The following ZW10 variants were observed in gnomAD, a reference collection of about 807,000 sequenced individuals.
The protein encoded by ZW10 is zw10 kinetochore protein, also known as centromere/kinetochore protein zw10 homolog.
In ZW10, 53 loss-of-function variants were observed where a neutral mutation model predicts 87.8. The observed-to-expected ratio is 0.60, with a 90% CI of 0.48 to 0.76. ZW10 has a LOEUF of 0.76. Ranked by LOEUF, ZW10 falls within the 30% of genes least tolerant of loss-of-function variation. The pLI, the probability that ZW10 is intolerant of heterozygous loss-of-function variation, is 0.00. For missense variants in ZW10, 837 were observed against 923.0 expected (o/e 0.91, Z 1.21); for synonymous variants, 312 against 329.2 (o/e 0.95, Z 0.57).
rs902052465 is a variant in ZW10, at chr11:113,758,579, T to C, written c.708A>G (p.Glu236=). Residue 236 remains glutamate, a synonymous_variant, in exon 6 of 16, where the codon GAA becomes GAG. Coordinates refer to ENST00000200135, the MANE Select transcript of ZW10 (RefSeq NM_004724.4). ...SVLLAFSVLG[E]LHSKLKSFGQ... ...CAAATGATTTAAGCTTGCTGTGTAGTTCTCCAAGAACAGAAAATGCCAAGA... is the reference window on the plus strand; with the variant it reads ...CAAATGATTTAAGCTTGCTGTGTAGCTCTCCAAGAACAGAAAATGCCAAGA... The C allele has an allele frequency of 6.8e-6, 11 of 1,613,032 alleles. No individual in the cohort carries two copies. The highest frequency in any genetic ancestry group is 7.6e-6 in the Non-Finnish European group (9 of 1,179,656).
intron 1 of ZW10, among the ~76,000 whole-genome samples, chr11:113,772,408 TCAAGAGCTGTTAGGAAGGGTTATA>T (rs1379988345): frequency 6.6e-5 from 10 of 152,160 alleles, no homozygotes; most frequent in Admixed American, 6.5e-4. Flanking sequence ...TTTTGTAAAA[TCAAGAGCTGTTAGGAAGGGTTATA>T]CCTGTGCCCT....
At chr11:113,758,361 G>T (rs1456959942) in intron 6 of ZW10, among the ~76,000 whole-genome samples, 193 bp downstream of exon 6, 4 of 104,626 alleles carry the variant, frequency 3.8e-5, no homozygotes, top group African/African-American at 1.4e-4. Context: ...AAAAAAAATA[G>T]GAACAGTTGA....
intron 9 of ZW10, among the ~76,000 whole-genome samples, chr11:113,747,157 TA>T (rs1953686786): frequency 6.6e-6 from 1 of 152,190 alleles, no homozygotes; most frequent in East Asian, 1.9e-4. Flanking sequence ...AACACTTTCA[TA>T]AGAGGATATA....
intron 11 of ZW10, among the ~76,000 whole-genome samples, chr11:113,741,097 A>G (rs1448065108): frequency 6.6e-6 from 1 of 150,618 alleles, no homozygotes; most frequent in African/African-American, 2.4e-5. Context: ...TCTGAACTAA[A>G]AAATACTTTA....
At chr11:113,742,708 C>A (rs775784114) in intron 10 of ZW10, among the ~76,000 whole-genome samples, 4 of 152,156 alleles carry the variant, frequency 2.6e-5, no homozygotes, top group Non-Finnish European at 4.4e-5. Context: ...CAGGAGAGTG[C>A]CATGTGAAGA....
At chr11:113,733,844 C>T (rs1478775831) in intron 15 of ZW10, 30 bp from the exon 16 acceptor site, 1 of 1,567,058 alleles carries the variant, frequency 6.4e-7, no homozygotes, top group South Asian at 1.2e-5. Context: ...GTTCCATTTC[C>T]TATTAGGTCT....
intron 2 of ZW10, 104 bp downstream of exon 2, chr11:113,768,729 G>A (rs1953931752): frequency 2.4e-6 from 3 of 1,243,494 alleles, no homozygotes; most frequent in Admixed American, 2.4e-5. Context: ...TTACCAATCA[G>A]AAAAGTGAGG....
chr11:113,762,531 T>C (rs1953872731), intron 2 of ZW10, among the ~76,000 whole-genome samples: 1 of 152,148 alleles, frequency 6.6e-6, no homozygotes, highest in Admixed American at 6.6e-5. Context: ...ATTAACTTTT[T>C]TTTTTTTTGA....
In ZW10 at chr11:113,736,605, A is replaced by G. The variant is rs377607066; in HGVS notation, c.2219+15T>C. On this transcript the variant is annotated intron_variant, in intron 15 of 15. Transcript: ENST00000200135. Reference sequence around the variant, plus strand: ...TATGGAGAGTTATATGCCTCTATAGAAGGGTTATACATACCGATCCCCAAT... The same window carrying G: ...TATGGAGAGTTATATGCCTCTATAGGAGGGTTATACATACCGATCCCCAAT... 1 of 1,613,698 alleles carries G rather than the reference A, an allele frequency of 6.2e-7. No homozygotes were observed. The highest frequency in any genetic ancestry group is 1.3e-5 in the African/African-American group (1 of 75,030).
At chr11:113,736,897 T>C in intron 14 of ZW10, 75 bp from the exon 15 acceptor site, 1 of 1,390,712 alleles carries the variant, frequency 7.2e-7, no homozygotes, top group East Asian at 2.3e-5. Flanking sequence ...AGCAGATCTT[T>C]GATGCATGCT....
chr11:113,763,363 T>C (rs1290345796), intron 2 of ZW10, among the ~76,000 whole-genome samples: 1 of 152,188 alleles, frequency 6.6e-6, no homozygotes, highest in African/African-American at 2.4e-5. Flanking sequence ...ATCATTTATA[T>C]TCCCTTGGGT....
chr11:113,746,432 G>C (rs755311590), intron 9 of ZW10, among the ~76,000 whole-genome samples: 25 of 142,644 alleles, frequency 1.8e-4, no homozygotes, highest in Admixed American at 3.7e-4. Flanking sequence ...TGAGTACATA[G>C]TAGTAGTATG....
At chr11:113,751,601 C>T (rs538638767) in intron 7 of ZW10, among the ~76,000 whole-genome samples, 37 of 152,278 alleles carry the variant, frequency 2.4e-4, no homozygotes, top group Non-Finnish European at 3.8e-4. Context: ...GCTGGCTGGG[C>T]GCAGTGGCTC....
chr11:113,754,309 A>T (rs371301761), intron 7 of ZW10, among the ~76,000 whole-genome samples: 12 of 152,168 alleles, frequency 7.9e-5, no homozygotes, highest in East Asian at 5.8e-4. Context: ...ACATAGTGAA[A>T]CCCCGTCTCT....
intron 12 of ZW10, among the ~76,000 whole-genome samples, chr11:113,738,904 T>C (rs1033778652): frequency 2.0e-5 from 3 of 152,002 alleles, no homozygotes; most frequent in Non-Finnish European, 2.9e-5. Context: ...ACAAACAAAA[T>C]TGTCACATTA....
At chr11:113,756,445 CATAGAAATAGCATCAAT>C (rs1194812843) in intron 7 of ZW10, among the ~76,000 whole-genome samples, 1 of 152,120 alleles carries the variant, frequency 6.6e-6, no homozygotes, top group East Asian at 1.9e-4. Flanking sequence ...GGCTCCACAC[CATAGAAATAGCATCAAT>C]AAAGTAGACA....
At chr11:113,756,202 G>C (rs1953783167) in intron 7 of ZW10, among the ~76,000 whole-genome samples, 1 of 152,108 alleles carries the variant, frequency 6.6e-6, no homozygotes, top group African/African-American at 2.4e-5. Context: ...CAAATGCACA[G>C]AGAAAAAGCC....
At chr11:113,749,158 T>G (rs1953710633) in intron 7 of ZW10, among the ~76,000 whole-genome samples, 1 of 151,874 alleles carries the variant, frequency 6.6e-6, no homozygotes, top group African/African-American at 2.4e-5. Flanking sequence ...CTGGGCAACA[T>G]AGCAAGATCA....
At chr11:113,761,113 CTAT>C (rs1953856320) in intron 2 of ZW10, among the ~76,000 whole-genome samples, 195 bp from the exon 3 acceptor site, 1 of 152,136 alleles carries the variant, frequency 6.6e-6, no homozygotes, top group Admixed American at 6.5e-5. Flanking sequence ...AACCCTTATC[CTAT>C]TGCAAGAATA....
Sources: allele counts gnomAD v4.1 joint callset (sites outside exome capture counted in the v4.1 genomes callset), GRCh38; gene constraint gnomAD v4.1.1; transcripts MANE v1.5; gene names NCBI Gene and HGNC (gene_info 2026-07-23, HGNC 2026-07-21).